PUM2: variants seen among roughly 807,000 people sequenced by gnomAD.
The protein encoded by PUM2 is pumilio homolog 2.
PUM2 carries 57 observed loss-of-function variants against 124.5 expected under a neutral mutation model. The ratio of observed to expected loss-of-function variants is 0.46; its 90% CI spans 0.37 to 0.57. PUM2 has a LOEUF of 0.57. Among genes scored for constraint, PUM2 ranks in the 20% least tolerant of loss-of-function variants. The probability of loss-of-function intolerance (pLI) is 0.00; values close to 1 mark genes in which losing one functional copy is unlikely to be tolerated. For missense variants in PUM2, 1,065 were observed against 1,290.6 expected (o/e 0.83, Z 2.68); for synonymous variants, 460 against 446.1 (o/e 1.03, Z -0.39).
rs77435693 is a variant in PUM2, at chr2:20,294,062, G to A, written c.1152+314C>T. Among the ~76,000 whole-genome samples, 20 of 152,100 alleles carry A rather than the reference G, an allele frequency of 1.3e-4. No homozygotes were observed. In the East Asian group the frequency reaches 3.7e-3, roughly 28 times the overall value. On this transcript the variant is annotated intron_variant, in intron 9 of 20. Coordinates refer to ENST00000361078, the MANE Select transcript of PUM2 (RefSeq NM_015317.5). ...ATTTAAATACCTGGAAAAATATGAA[G>A]GAATAATTATTTTGATAGGAACATT... is the stretch of plus-strand genomic sequence containing the variant.
Position 20,282,992 on chromosome 2 carries a change from A to G in PUM2, c.1675T>C (p.Leu559=), listed in dbSNP as rs370772460. The G allele has an allele frequency of 1.3e-5, 21 of 1,614,022 alleles. No individual in the cohort carries two copies. In the African/African-American group the frequency reaches 2.5e-4, roughly 19 times the overall value. Residue 559 remains leucine (L), a synonymous_variant, in exon 12 of 21, where the codon TTG becomes CTG. Transcript: ENST00000361078. ...AGGGCTGAGCCTATAGCAGCACCCAAAGAGTTACCACTTCCAAAGCCAAGA... is the reference window on the plus strand; with the variant it reads ...AGGGCTGAGCCTATAGCAGCACCCAGAGAGTTACCACTTCCAAAGCCAAGA... ...TSLGFGSGNS[L]GAAIGSALSG...
chr2:20,311,432 CAACT>C, intron 5 of PUM2, 58 bp downstream of exon 5: 1 of 1,450,590 alleles, frequency 6.9e-7, no homozygotes. Context: ...TCAGTCACAT[CAACT>C]AATAGTAATA....
chr2:20,341,560 T>C (rs183912795), intron 1 of PUM2, among the ~76,000 whole-genome samples: 1 of 152,206 alleles, frequency 6.6e-6, no homozygotes, highest in Non-Finnish European at 1.5e-5. Context: ...GTAAAGAAGG[T>C]ACTGTTGGCT....
Position 20,300,767 on chromosome 2 carries a change from T to C in PUM2, c.884-3089A>G, listed in dbSNP as rs139199533. 2.0e-3 allele frequency among the ~76,000 whole-genome samples: 252 copies of C among 124,130 alleles called. 6 individuals carry two copies. The East Asian group carries it at 0.049, about 24-fold the overall frequency. The allele number at this position is 124,130 out of a possible 152,430, so 81.4% of individuals were successfully genotyped here. A position where few individuals can be genotyped will look rare whatever the true frequency, so the allele number is the denominator to read the frequency against. The stretch of plus-strand genomic sequence containing the variant: ...CCTCCCATTCTATTCCTAAATAAGA[T>C]AGCTAGAAAGATTGAAAGAGAAAAA... On this transcript the variant is annotated intron_variant, in intron 7 of 20. Transcript: ENST00000361078.
At chr2:20,296,449 C>T (rs1030357600) in intron 8 of PUM2, among the ~76,000 whole-genome samples, 2 of 150,962 alleles carry the variant, frequency 1.3e-5, no homozygotes, top group Non-Finnish European at 2.9e-5. Flanking sequence ...GAGCCGAGAT[C>T]GTGCCACTGC....
intron 1 of PUM2, among the ~76,000 whole-genome samples, chr2:20,348,338 G>A (rs528792534): frequency 7.7e-4 from 117 of 152,136 alleles, no homozygotes; most frequent in East Asian, 7.3e-3. Flanking sequence ...CAAATATTCG[G>A]ATATTTTAAA....
intron 2 of PUM2, among the ~76,000 whole-genome samples, chr2:20,321,260 C>G (rs1027270650): frequency 2.6e-5 from 4 of 151,952 alleles, no homozygotes; most frequent in Non-Finnish European, 5.9e-5. Context: ...GCACTCCAGC[C>G]TGGCGACAGA....
intron 1 of PUM2, among the ~76,000 whole-genome samples, chr2:20,335,235 T>G (rs1685752068): frequency 6.6e-6 from 1 of 152,236 alleles, no homozygotes; most frequent in African/African-American, 2.4e-5. Context: ...GGACTGATTT[T>G]AATGAACATA....
At chr2:20,350,576 A>C in intron 1 of PUM2, 21 bp downstream of exon 1, 1 of 985,400 alleles carries the variant, frequency 1.0e-6, no homozygotes, top group Non-Finnish European at 1.2e-6. Flanking sequence ...CCGGAGAAAG[A>C]GCGAACGCGG....
chr2:20,334,677 T>C (rs1685612798), intron 1 of PUM2, among the ~76,000 whole-genome samples: 1 of 152,216 alleles, frequency 6.6e-6, no homozygotes. Context: ...CATACAATGC[T>C]TATTTTAACA....
At chr2:20,285,815 G>A (rs537750181) in intron 10 of PUM2, among the ~76,000 whole-genome samples, 2 of 152,270 alleles carry the variant, frequency 1.3e-5, no homozygotes, top group African/African-American at 2.4e-5. Flanking sequence ...ATTAAAAGGA[G>A]AGAAAAATCA....
At chr2:20,304,321 G>A (rs1388953952) in intron 7 of PUM2, among the ~76,000 whole-genome samples, 2 of 152,110 alleles carry the variant, frequency 1.3e-5, no homozygotes, top group Non-Finnish European at 2.9e-5. Context: ...ACATAACCCT[G>A]TCTTTTTGTT....
In PUM2 at chr2:20,278,728, G is replaced by C; in HGVS notation, c.1812C>G (p.Pro604=). Residue 604 remains proline (P), a synonymous_variant, in exon 13 of 21, where the codon CCC becomes CCG. Coordinates refer to ENST00000361078, the MANE Select transcript of PUM2 (RefSeq NM_015317.5). ...LYKRSSSSLA[P]IGQPFYNSLG... Reference sequence around the variant, plus strand: ...GACTATTGTAAAATGGTTGCCCTATGGGTGCTAGGCTGCTACTAGATCTTT... The same window carrying C: ...GACTATTGTAAAATGGTTGCCCTATCGGTGCTAGGCTGCTACTAGATCTTT... 1.2e-6 allele frequency: 2 copies of C among 1,613,544 alleles called. No homozygotes were observed. Among genetic ancestry groups the C allele is most frequent in the Non-Finnish European group, 1.7e-6 (2 of 1,179,712 alleles).
rs182198974 is a variant in PUM2, at chr2:20,251,440, T to C, written c.*145A>G. The C allele has an allele frequency of 1.0e-4, 106 of 1,053,318 alleles. No individual in the cohort carries two copies. The highest frequency in any genetic ancestry group is 3.2e-4 in the East Asian group (12 of 37,148). 65.2% of individuals were successfully genotyped at this position (1,053,318 alleles called of 1,614,324 possible). A position where few individuals can be genotyped will look rare whatever the true frequency, so the allele number is the denominator to read the frequency against. On this transcript the variant is annotated 3_prime_UTR_variant, in exon 21 of 21. Coordinates refer to ENST00000361078, the MANE Select transcript of PUM2 (RefSeq NM_015317.5). ...AAATATACACAAGAACCTTAAAAAA[T>C]TTACAAATGGATGAATAAAGTCAAT...
At chr2:20,335,426 T>C (rs1233938289) in intron 1 of PUM2, among the ~76,000 whole-genome samples, 4 of 152,266 alleles carry the variant, frequency 2.6e-5, no homozygotes, top group African/African-American at 9.6e-5. Flanking sequence ...TTTAGGTATT[T>C]ATAGGAGACC....
intron 8 of PUM2, among the ~76,000 whole-genome samples, chr2:20,296,731 C>T (rs1675694248): frequency 1.3e-5 from 2 of 152,006 alleles, no homozygotes; most frequent in Admixed American, 6.6e-5. Context: ...ATAAACAATG[C>T]CTCAGACTAA....
At chr2:20,350,903 C>G, upstream of PUM2, 1 of 553,564 alleles carries the variant, frequency 1.8e-6, no homozygotes, top group Non-Finnish European at 2.3e-6. Flanking sequence ...GGGGAGCGCT[C>G]ACCAAGGCGC....
At chr2:20,321,041 T>C (rs975264415) in intron 2 of PUM2, among the ~76,000 whole-genome samples, 1 of 152,228 alleles carries the variant, frequency 6.6e-6, no homozygotes, top group African/African-American at 2.4e-5. Flanking sequence ...GTGGCTAAAA[T>C]AGACTAATCT....
intron 3 of PUM2, 40 bp downstream of exon 3, chr2:20,318,497 A>G (rs1335526253): frequency 6.6e-7 from 1 of 1,525,122 alleles, no homozygotes; most frequent in Non-Finnish European, 9.0e-7. Context: ...ATAAAATGCT[A>G]AATATATTCA....
Sources: allele counts gnomAD v4.1 joint callset (sites outside exome capture counted in the v4.1 genomes callset), GRCh38; gene constraint gnomAD v4.1.1; transcripts MANE v1.5; gene names NCBI Gene and HGNC (gene_info 2026-07-23, HGNC 2026-07-21).